Variants in B3GALT1 observed in about 807,000 individuals in gnomAD.
B3GALT1 encodes the protein beta-1,3-galactosyltransferase 1, also known as UDP-Gal:betaGlcNAc beta 1,3-galactosyltransferase, polypeptide 1.
In B3GALT1, 10 loss-of-function variants were observed where a neutral mutation model predicts 23.2. The observed-to-expected ratio is 0.43, with a 90% confidence interval of 0.27 to 0.73. The LOEUF is 0.73. B3GALT1 is among the 30% of genes least tolerant of loss of function. The pLI is 0.21. For synonymous variants in B3GALT1, 156 were observed against 141.5 expected, an observed-to-expected ratio of 1.10 and a Z score of -0.73; for missense variants, 299 against 405.4, an observed-to-expected ratio of 0.74 and a Z score of 2.25.
intron 2 of B3GALT1, among the ~76,000 whole-genome samples, chr2:167,646,590 T>A (rs1214277129): frequency 1.3e-5 from 2 of 152,154 alleles, no homozygotes; most frequent in Non-Finnish European, 2.9e-5. Context: ...GTCACAGCAG[T>A]GGAAAATCAG....
chr2:167,855,352 T>G lies in B3GALT1; in HGVS notation c.-229-13459T>G, dbSNP rs184517626. ...TTCAAATCCAGGTTTAATCACTCAT[T>G]AGCTATGTAAAGCTGGGGCAAGTTG... On this transcript the variant is annotated intron_variant, in intron 4 of 4. Transcript: ENST00000392690. 3.3e-5 allele frequency among the ~76,000 whole-genome samples: 5 copies of G among 152,276 alleles called. No homozygotes were observed. The East Asian group carries it at 7.7e-4, about 24-fold the overall frequency.
intron 1 of B3GALT1, among the ~76,000 whole-genome samples, chr2:167,470,582 T>C (rs1164909230): frequency 6.6e-6 from 1 of 152,160 alleles, no homozygotes; most frequent in Non-Finnish European, 1.5e-5. Context: ...AGATTATATT[T>C]AGAAACAGAA....
chr2:167,798,822 T>C (rs1688586707), intron 3 of B3GALT1, among the ~76,000 whole-genome samples: 1 of 152,192 alleles, frequency 6.6e-6, no homozygotes, highest in African/African-American at 2.4e-5. Flanking sequence ...AGGATAGTTT[T>C]GGCAATTTTT....
At chr2:167,714,439 C>T (rs1418467856) in intron 3 of B3GALT1, 1 of 1,584,608 alleles carries the variant, frequency 6.3e-7, no homozygotes, top group Non-Finnish European at 8.7e-7. Flanking sequence ...TGAGTGGATC[C>T]TCCAACAAAG....
intron 3 of B3GALT1, among the ~76,000 whole-genome samples, chr2:167,764,599 TGA>T (rs1390120062): frequency 6.6e-6 from 1 of 152,188 alleles, no homozygotes; most frequent in African/African-American, 2.4e-5. Flanking sequence ...GAACACATTT[TGA>T]GAGTTTAATA....
chr2:167,547,422 C>G (rs1243095258), intron 2 of B3GALT1, among the ~76,000 whole-genome samples: 1 of 152,062 alleles, frequency 6.6e-6, no homozygotes, highest in South Asian at 2.1e-4. Flanking sequence ...GAGGGCCGGG[C>G]GCGGTGGCCC....
intron 4 of B3GALT1, among the ~76,000 whole-genome samples, chr2:167,836,384 A>G (rs992971059): frequency 8.5e-5 from 13 of 152,232 alleles, no homozygotes; most frequent in African/African-American, 3.1e-4. Flanking sequence ...AAGAATGCAG[A>G]AGCCTCAGGA....
At chr2:167,550,479 A>C (rs1191067504) in intron 2 of B3GALT1, among the ~76,000 whole-genome samples, 1 of 152,230 alleles carries the variant, frequency 6.6e-6, no homozygotes, top group East Asian at 1.9e-4. Flanking sequence ...TTCTATGATA[A>C]CAACTGGGAA....
intron 1 of B3GALT1, among the ~76,000 whole-genome samples, chr2:167,422,291 C>T (rs1195887014): frequency 6.6e-6 from 1 of 151,734 alleles, no homozygotes; most frequent in Non-Finnish European, 1.5e-5. Flanking sequence ...AAGAGCACAG[C>T]AGCCTGCAAG....
intron 2 of B3GALT1, among the ~76,000 whole-genome samples, chr2:167,601,203 G>T (rs1358770382): frequency 6.6e-6 from 1 of 152,096 alleles, no homozygotes; most frequent in Non-Finnish European, 1.5e-5. Flanking sequence ...GGAATTACAG[G>T]CACGTGCCAC....
intron 3 of B3GALT1, among the ~76,000 whole-genome samples, chr2:167,803,081 A>AACACACACACAC (rs71940853): frequency 0.023 from 3,260 of 141,408 alleles, 101 homozygotes; most frequent in African/African-American, 0.058. Flanking sequence ...GACCCTAACA[A>AACACACACACAC]ACACACACAC....
chr2:167,639,795 A>G (rs969133755), intron 2 of B3GALT1, among the ~76,000 whole-genome samples: 5 of 152,110 alleles, frequency 3.3e-5, no homozygotes, highest in African/African-American at 1.2e-4. Flanking sequence ...GTTGATCAAA[A>G]GAAATAATTA....
chr2:167,335,493 A>G (rs1025863953), intron 1 of B3GALT1, among the ~76,000 whole-genome samples: 5 of 152,188 alleles, frequency 3.3e-5, no homozygotes, highest in African/African-American at 1.2e-4. Flanking sequence ...TCAGCTGCTT[A>G]AACTTATTGT....
chr2:167,835,942 C>T (rs1574290632), intron 4 of B3GALT1, among the ~76,000 whole-genome samples: 1 of 152,164 alleles, frequency 6.6e-6, no homozygotes, highest in Admixed American at 6.5e-5. Context: ...CTCTAGCAAA[C>T]TCCAACAGAC....
chr2:167,737,705 A>G (rs1687513691), intron 3 of B3GALT1, among the ~76,000 whole-genome samples: 1 of 152,222 alleles, frequency 6.6e-6, no homozygotes, highest in Non-Finnish European at 1.5e-5. Flanking sequence ...GACCATCTCC[A>G]AGGTTCTTTG....
rs571448512 is a variant in B3GALT1 at position 167,667,297 on chromosome 2, G to A, written c.-352+20331G>A. 6.9e-4 allele frequency among the ~76,000 whole-genome samples: 105 copies of A among 152,308 alleles called. 1 individual carries two copies. In the South Asian group the frequency reaches 0.011, roughly 16 times the overall value. On this transcript the variant is annotated intron_variant, in intron 3 of 4. Transcript: ENST00000392690. The stretch of plus-strand genomic sequence containing the variant: ...ATTGGCCCCCACTCTCTTCTGGCTC[G>A]TAGAGTTTCTGCTGAGAGATCAGCT...
chr2:167,327,867 A>G (rs993679843), intron 1 of B3GALT1, among the ~76,000 whole-genome samples: 9 of 152,280 alleles, frequency 5.9e-5, no homozygotes, highest in South Asian at 2.1e-4. Context: ...TTTGTCATAC[A>G]TGCCATTTAT....
At chr2:167,304,442 A>G (rs1278561080) in intron 1 of B3GALT1, among the ~76,000 whole-genome samples, 1 of 152,180 alleles carries the variant, frequency 6.6e-6, no homozygotes, top group Non-Finnish European at 1.5e-5. Context: ...AGTGGAAATA[A>G]GGCATTAAAT....
In B3GALT1 at chr2:167,474,986, A is replaced by C. The variant is rs145164617; in HGVS notation, c.-510-15191A>C. Among the ~76,000 whole-genome samples the C allele has an allele frequency of 1.9e-3, 296 of 152,308 alleles. 1 individual carries two copies. Among genetic ancestry groups the C allele is most frequent in the Non-Finnish European group, 3.7e-3 (249 of 68,020 alleles). ...TGCTATGCATTGTAAATATTAAATC[A>C]GATTTTATACATCTTTCTACTAAAC... On this transcript the variant is annotated intron_variant, in intron 1 of 4. Transcript: ENST00000392690.
Sources: gnomAD v4.1 joint callset for allele counts (sites outside exome capture counted in the v4.1 genomes callset) on GRCh38, gnomAD v4.1.1 for gene constraint, MANE v1.5 for transcripts, NCBI Gene and HGNC (gene_info 2026-07-23, HGNC 2026-07-21) for gene names.